NCAM1: variants seen among roughly 807,000 people sequenced by gnomAD.
The protein encoded by NCAM1 is antigen recognized by monoclonal antibody 5.1H11.
In NCAM1, 14 loss-of-function variants were observed where a neutral mutation model predicts 109.8. The observed-to-expected ratio is 0.13, with a 90% CI of 0.08 to 0.20. The LOEUF is 0.20. NCAM1 is among the 10% of genes least tolerant of loss of function. The pLI is 1.00. For missense variants in NCAM1, 774 were observed against 1,109.9 expected (o/e 0.70, Z 4.30); for synonymous variants, 418 against 442.9 (o/e 0.94, Z 0.70).
At chr11:112,968,496 A>C (rs1950785469) in intron 1 of NCAM1, among the ~76,000 whole-genome samples, 1 of 152,234 alleles carries the variant, frequency 6.6e-6, no homozygotes, top group South Asian at 2.1e-4. Flanking sequence ...TATGGTTTAC[A>C]AAACACTTTG....
In NCAM1 at chr11:113,275,448, A is replaced by G; in HGVS notation, c.*61A>G. On this transcript the variant is annotated 3_prime_UTR_variant, in exon 20 of 20. Transcript: ENST00000316851. Reference sequence around the variant, plus strand: ...AGTGACACAGCAGCTTCACCAGAGCATTTCCAACACCACAGACACACACAC... The same window carrying G: ...AGTGACACAGCAGCTTCACCAGAGCGTTTCCAACACCACAGACACACACAC... The G allele has an allele frequency of 1.3e-6, 2 of 1,569,842 alleles. No homozygotes were observed. The highest frequency in any genetic ancestry group is 2.3e-5 in the South Asian group (2 of 85,892).
At chr11:112,979,876 A>G (rs1428295248) in intron 1 of NCAM1, among the ~76,000 whole-genome samples, 2 of 151,850 alleles carry the variant, frequency 1.3e-5, no homozygotes, top group African/African-American at 4.8e-5. Context: ...AATTGTGTAG[A>G]CTTCATAAGT....
intron 1 of NCAM1, among the ~76,000 whole-genome samples, chr11:113,010,271 G>A (rs117910811): frequency 0.011 from 1,714 of 152,220 alleles, 18 homozygotes; most frequent in Non-Finnish European, 0.019. Context: ...AATTCATTAT[G>A]ATTTGGTTTT....
In NCAM1 at chr11:113,156,266, G is replaced by A. The variant is rs143597227; in HGVS notation, c.53-46113G>A. On this transcript the variant is annotated intron_variant, in intron 1 of 19. Transcript: ENST00000316851. ...GAGAGGACAGAGGCTTGGGTGTGAG[G>A]ATCAAGGGAGATATTGGGTTCTGTG... is the stretch of plus-strand genomic sequence containing the variant. Among the ~76,000 whole-genome samples, 27 of 152,306 alleles carry A rather than the reference G, an allele frequency of 1.8e-4. 1 individual carries two copies. The highest frequency in any genetic ancestry group is 6.5e-4 in the African/African-American group (27 of 41,568).
chr11:113,174,141 A>G (rs1308054743), intron 1 of NCAM1, among the ~76,000 whole-genome samples: 2 of 152,228 alleles, frequency 1.3e-5, no homozygotes, highest in African/African-American at 4.8e-5. Flanking sequence ...ATATGCAAAT[A>G]TAAATATATA....
At chr11:113,239,607 G>T (rs573454226) in intron 14 of NCAM1, among the ~76,000 whole-genome samples, 1 of 145,456 alleles carries the variant, frequency 6.9e-6, no homozygotes, top group Non-Finnish European at 1.5e-5. Flanking sequence ...CCGGGTTCAC[G>T]CCATACTCCT....
intron 15 of NCAM1, among the ~76,000 whole-genome samples, chr11:113,254,632 G>T (rs556488225): frequency 6.6e-6 from 1 of 152,310 alleles, no homozygotes; most frequent in African/African-American, 2.4e-5. Context: ...GCCTGCAGCC[G>T]TCTCATAAAT....
chr11:113,054,317 C>T (rs570759514), intron 1 of NCAM1, among the ~76,000 whole-genome samples: 2 of 152,252 alleles, frequency 1.3e-5, no homozygotes, highest in East Asian at 3.9e-4. Flanking sequence ...TAATTGGAGT[C>T]CGGTGTCAGC....
At position 113,195,455 on chromosome 11, in the gene NCAM1, C is replaced by CCACACACA. The variant is rs10642528; in HGVS notation, c.53-6909_53-6902dup. Among the ~76,000 whole-genome samples the CCACACACA allele has an allele frequency of 2.1e-5, 3 of 141,492 alleles. No homozygotes were observed. The Admixed American group carries it at 2.2e-4, about 10-fold the overall frequency. 92.8% of individuals were successfully genotyped at this position (141,492 alleles called of 152,430 possible). ...ACATACACAAAAATGTAAATACACA[C>CCACACACA]CACACACACACACACACACACAAAC... On this transcript the variant is annotated intron_variant, in intron 1 of 19. Transcript: ENST00000316851.
intron 6 of NCAM1, 106 bp from the exon 7 acceptor site, chr11:113,207,727 G>A (rs1944278139): frequency 8.2e-7 from 1 of 1,212,338 alleles, no homozygotes; most frequent in Non-Finnish European, 1.2e-6. Flanking sequence ...GAAGACTGAG[G>A]AGTCTTTCCC....
intron 1 of NCAM1, among the ~76,000 whole-genome samples, chr11:112,983,806 CA>C (rs1555069153): frequency 6.6e-6 from 1 of 151,886 alleles, no homozygotes; most frequent in African/African-American, 2.4e-5. Context: ...TTTTGATATA[CA>C]TGTACATAAC....
At chr11:113,071,117 A>G (rs1369352900) in intron 1 of NCAM1, among the ~76,000 whole-genome samples, 4 of 152,138 alleles carry the variant, frequency 2.6e-5, no homozygotes, top group Non-Finnish European at 4.4e-5. Context: ...AATGAGGCCA[A>G]TTGGAAGAAA....
At chr11:113,185,874 A>G (rs782669910) in intron 1 of NCAM1, among the ~76,000 whole-genome samples, 2 of 152,144 alleles carry the variant, frequency 1.3e-5, no homozygotes, top group Non-Finnish European at 2.9e-5. Flanking sequence ...CCCCGGAGGT[A>G]CTGATTCAAG....
At chr11:113,047,621 G>A (rs782395950) in intron 1 of NCAM1, among the ~76,000 whole-genome samples, 3 of 151,992 alleles carry the variant, frequency 2.0e-5, no homozygotes, top group Admixed American at 6.6e-5. Flanking sequence ...CTATTCTCAC[G>A]CTGCTATAAG....
intron 1 of NCAM1, among the ~76,000 whole-genome samples, chr11:113,178,117 C>T (rs1943224472): frequency 6.6e-6 from 1 of 152,138 alleles, no homozygotes; most frequent in Non-Finnish European, 1.5e-5. Flanking sequence ...CAAATACGGT[C>T]CCAACATTAC....
intron 1 of NCAM1, among the ~76,000 whole-genome samples, chr11:113,018,234 G>A (rs1397798588): frequency 1.3e-5 from 2 of 151,336 alleles, no homozygotes; most frequent in Non-Finnish European, 2.9e-5. Flanking sequence ...TCATTTTCAA[G>A]TATACAGTCC....
At chr11:113,004,622 C>A (rs1157704415) in intron 1 of NCAM1, among the ~76,000 whole-genome samples, 2 of 151,942 alleles carry the variant, frequency 1.3e-5, no homozygotes, top group African/African-American at 4.8e-5. Context: ...CTTTCTGATT[C>A]TTGCTCTTTG....
At chr11:113,086,114 G>T (rs1467071364) in intron 1 of NCAM1, among the ~76,000 whole-genome samples, 1 of 152,198 alleles carries the variant, frequency 6.6e-6, no homozygotes, top group Non-Finnish European at 1.5e-5. Flanking sequence ...TTGTACTGAT[G>T]CTCAGTTGTC....
chr11:113,231,430 T>G (rs1555117177), intron 9 of NCAM1: 1 of 970,152 alleles, frequency 1.0e-6, no homozygotes, highest in Non-Finnish European at 1.5e-6. Flanking sequence ...ATTTTCTGTT[T>G]CGGATACTCC....
Sources: gnomAD v4.1 joint callset for allele counts (sites outside exome capture counted in the v4.1 genomes callset) on GRCh38, gnomAD v4.1.1 for gene constraint, MANE v1.5 for transcripts, NCBI Gene and HGNC (gene_info 2026-07-23, HGNC 2026-07-21) for gene names.